Variants in ERC2 observed in about 807,000 individuals in gnomAD.
The protein encoded by ERC2 is ELKS/RAB6-interacting/CAST family member 2, also known as ERC protein 2.
ERC2 carries 42 observed loss-of-function variants against 114.8 expected under a neutral mutation model. That is an observed-to-expected ratio of 0.37 (90% CI 0.29 to 0.47). The LOEUF (loss-of-function observed/expected upper bound fraction) is 0.47. Among genes scored for constraint, ERC2 ranks in the 20% least tolerant of loss-of-function variants. The pLI, the probability that ERC2 is intolerant of heterozygous loss-of-function variation, is 0.99. For missense variants in ERC2, 939 were observed against 1,150.7 expected, an observed-to-expected ratio of 0.82 and a Z score of 2.66; for synonymous variants, 454 against 425.5, an observed-to-expected ratio of 1.07 and a Z score of -0.82.
chr3:55,655,759 T>C, intron 17 of ERC2, among the ~76,000 whole-genome samples: 1 of 152,184 alleles, frequency 6.6e-6, no homozygotes, highest in East Asian at 1.9e-4. Context: ...AGATCATACA[T>C]AGAAAAGTAT....
chr3:56,036,275 C>G (rs1223895236), intron 7 of ERC2, among the ~76,000 whole-genome samples: 1 of 152,190 alleles, frequency 6.6e-6, no homozygotes, highest in Non-Finnish European at 1.5e-5. Context: ...AAGCTGAAAA[C>G]TTTTCCTCTA....
At chr3:56,400,537 T>C (rs2106945746) in intron 2 of ERC2, among the ~76,000 whole-genome samples, 1 of 152,318 alleles carries the variant, frequency 6.6e-6, no homozygotes, top group Admixed American at 6.5e-5. Flanking sequence ...TCCAAAACCC[T>C]GTGTGCTGAA....
intron 12 of ERC2, among the ~76,000 whole-genome samples, chr3:55,983,900 C>A (rs1475341691): frequency 2.0e-5 from 3 of 152,176 alleles, no homozygotes; most frequent in Non-Finnish European, 4.4e-5. Context: ...CTTATTTTAA[C>A]TGGTAAACCT....
chr3:55,836,285 C>T (rs1418166507), intron 14 of ERC2, among the ~76,000 whole-genome samples: 13 of 152,094 alleles, frequency 8.5e-5, no homozygotes, highest in Non-Finnish European at 2.9e-5. Context: ...AAAAACAGCC[C>T]GCATTGCCAA....
At chr3:56,440,941 T>C (rs970865614) in intron 1 of ERC2, among the ~76,000 whole-genome samples, 7 of 152,202 alleles carry the variant, frequency 4.6e-5, no homozygotes, top group African/African-American at 1.4e-4. Flanking sequence ...CTATACAGAA[T>C]TGTCTGTAGT....
intron 7 of ERC2, among the ~76,000 whole-genome samples, chr3:56,027,064 C>T (rs765066333): frequency 6.6e-6 from 1 of 152,204 alleles, no homozygotes; most frequent in African/African-American, 2.4e-5. Flanking sequence ...TAAAGTCACA[C>T]AGTATGTAAC....
intron 13 of ERC2, among the ~76,000 whole-genome samples, chr3:55,904,347 A>T (rs1559846507): frequency 6.6e-6 from 1 of 152,224 alleles, no homozygotes; most frequent in Non-Finnish European, 1.5e-5. Flanking sequence ...GCACAAGTAA[A>T]GCAAAATCAA....
intron 17 of ERC2, among the ~76,000 whole-genome samples, chr3:55,543,363 G>A (rs568857561): frequency 3.3e-5 from 5 of 152,290 alleles, no homozygotes; most frequent in East Asian, 1.9e-4. Context: ...GAAATGTTTC[G>A]GCCGGACATC....
chr3:55,777,431 T>C (rs1308015755), intron 14 of ERC2, among the ~76,000 whole-genome samples: 7 of 152,158 alleles, frequency 4.6e-5, no homozygotes, highest in African/African-American at 1.7e-4. Context: ...CATCTCTAGA[T>C]AGAAAGTCCA....
chr3:55,855,912 G>A lies in ERC2; in HGVS notation c.2564+32477C>T, dbSNP rs1426652671. On this transcript the variant is annotated intron_variant, in intron 14 of 17. Transcript: ENST00000288221. ...AAAAGGTGTCCCTGGCCTCTTAAATGTAACTGGTGAATAATAATATATTTG... is the reference window on the plus strand; with the variant it reads ...AAAAGGTGTCCCTGGCCTCTTAAATATAACTGGTGAATAATAATATATTTG... Among the ~76,000 whole-genome samples the A allele has an allele frequency of 2.0e-5, 3 of 152,174 alleles. No homozygotes were observed. The East Asian group carries it at 5.8e-4, about 29-fold the overall frequency.
chr3:56,164,445 G>A (rs1415165539), intron 4 of ERC2, among the ~76,000 whole-genome samples: 1 of 152,050 alleles, frequency 6.6e-6, no homozygotes, highest in Non-Finnish European at 1.5e-5. Flanking sequence ...TTTTGTTGAT[G>A]AATAATATTC....
chr3:56,074,393 T>A (rs2076879779), intron 7 of ERC2, among the ~76,000 whole-genome samples: 1 of 152,068 alleles, frequency 6.6e-6, no homozygotes, highest in African/African-American at 2.4e-5. Context: ...AAATAGTATA[T>A]AATATAATCA....
intron 3 of ERC2, among the ~76,000 whole-genome samples, chr3:56,279,524 C>G (rs1243121005): frequency 1.3e-5 from 2 of 152,150 alleles, no homozygotes; most frequent in Non-Finnish European, 2.9e-5. Context: ...AACACAGGCA[C>G]AGAGCCCAGA....
In ERC2 at chr3:56,170,599, T is replaced by TTTG. The variant is rs1560298772; in HGVS notation, c.1149+2846_1149+2847insCAA. 8.7e-4 allele frequency among the ~76,000 whole-genome samples: 124 copies of TTTG among 142,456 alleles called. 6 individuals carry two copies. The highest frequency in any genetic ancestry group is 3.6e-3 in the Middle Eastern group (1 of 276). 93.5% of individuals were successfully genotyped at this position (142,456 alleles called of 152,430 possible). A position where few individuals can be genotyped will look rare whatever the true frequency, so the allele number is the denominator to read the frequency against. On this transcript the variant is annotated intron_variant, in intron 4 of 17. Coordinates refer to ENST00000288221, the MANE Select transcript of ERC2 (RefSeq NM_015576.3). Reference sequence around the variant, plus strand: ...AAATCTCTTCTGTTTTTTTTTTTTTTTTTTTTTTTTTTTTTGAGGTAGTGT... The same window carrying TTTG: ...AAATCTCTTCTGTTTTTTTTTTTTTTTTGTTTTTTTTTTTTTTTGAGGTAGTGT...
At chr3:56,230,352 G>A (rs2150174824) in intron 3 of ERC2, among the ~76,000 whole-genome samples, 1 of 152,316 alleles carries the variant, frequency 6.6e-6, no homozygotes, top group Middle Eastern at 3.4e-3. Flanking sequence ...TTGAAAAGGT[G>A]ATAAAGCCAA....
chr3:56,309,446 T>C (rs1204326609), intron 2 of ERC2, among the ~76,000 whole-genome samples: 3 of 152,326 alleles, frequency 2.0e-5, no homozygotes, highest in South Asian at 2.1e-4. Context: ...TGGCACAATA[T>C]TGGAATACTG....
intron 3 of ERC2, among the ~76,000 whole-genome samples, chr3:56,198,722 C>T (rs1458752301): frequency 3.9e-5 from 6 of 152,168 alleles, no homozygotes; most frequent in Non-Finnish European, 7.4e-5. Flanking sequence ...AAAATATGCC[C>T]AGTTGGCAGT....
chr3:56,378,968 A>C (rs748575881), intron 2 of ERC2, among the ~76,000 whole-genome samples: 7 of 152,236 alleles, frequency 4.6e-5, no homozygotes, highest in Non-Finnish European at 1.0e-4. Flanking sequence ...AAAATATAAA[A>C]ACAAATAGGT....
At chr3:55,677,206 C>A (rs954419094) in intron 17 of ERC2, among the ~76,000 whole-genome samples, 10 of 152,154 alleles carry the variant, frequency 6.6e-5, no homozygotes, top group Admixed American at 2.6e-4. Flanking sequence ...GAAAGAAACC[C>A]TCTGCTATAA....
Sources: gnomAD v4.1 joint callset for allele counts (sites outside exome capture counted in the v4.1 genomes callset) on GRCh38, gnomAD v4.1.1 for gene constraint, MANE v1.5 for transcripts, NCBI Gene and HGNC (gene_info 2026-07-23, HGNC 2026-07-21) for gene names.